B4GALT6: variants seen among roughly 807,000 people sequenced by gnomAD.
B4GALT6 encodes the protein UDP-Gal:beta-GlcNAc beta-1,4-galactosyltransferase 6.
A neutral mutation model predicts 46.3 loss-of-function variants in B4GALT6; 14 were observed. The observed-to-expected ratio is 0.30, with a 90% CI of 0.20 to 0.47. The LOEUF (loss-of-function observed/expected upper bound fraction) is 0.47, where lower values mean the gene tolerates loss of function less well. Ranked by LOEUF, B4GALT6 falls within the 20% of genes least tolerant of loss-of-function variation. B4GALT6 has a pLI of 0.99. For synonymous variants in B4GALT6, 168 were observed against 162.0 expected (o/e 1.04, Z -0.28); for missense variants, 386 against 480.1 (o/e 0.80, Z 1.83).
rs754104181 is a variant in B4GALT6 at position 31,676,420 on chromosome 18, AATAAG to A, written c.115+7887_115+7891del. On this transcript the variant is annotated intron_variant, in intron 1 of 8. Coordinates refer to ENST00000306851, the MANE Select transcript of B4GALT6 (RefSeq NM_004775.5). ...AGTAACCTATAATGCTATCCAGTTTAATAAGTTTTATTGATCTTAAGTAAATTACA... is the reference window on the plus strand; with the variant it reads ...AGTAACCTATAATGCTATCCAGTTTATTTTATTGATCTTAAGTAAATTACA... 2.0e-4 allele frequency among the ~76,000 whole-genome samples: 30 copies of A among 152,322 alleles called. No individual in the cohort carries two copies. In the East Asian group the frequency reaches 5.6e-3, roughly 28 times the overall value.
At position 31,684,341 on chromosome 18, in the gene B4GALT6, A is replaced by T. The variant is rs2074516297; in HGVS notation, c.86T>A (p.Leu29Gln). The change falls in exon 1 of 9, where the codon CTG (leucine) becomes CAG (glutamine). Residue 29 changes from leucine (L) to glutamine (Q), a missense_variant. This residue lies in a region of B4GALT6 where 63 missense variants were observed against 41.3 expected (regional missense o/e 1.53). Coordinates refer to ENST00000306851, the MANE Select transcript of B4GALT6 (RefSeq NM_004775.5). ...IFFFSLSSSC[L>Q]YFIYVAPGIA... ...GCCTGGGGCCACATAGATGAAGTAC[A>T]GACAGGACGAAGAGAGGGAGAAGAA... 1 of 1,613,678 alleles carries T rather than the reference A, an allele frequency of 6.2e-7. No homozygotes were observed. The highest frequency in any genetic ancestry group is 1.7e-5 in the Admixed American group (1 of 59,998).
intron 6 of B4GALT6, among the ~76,000 whole-genome samples, chr18:31,628,134 A>G (rs1288490617): frequency 6.6e-6 from 1 of 152,204 alleles, no homozygotes; most frequent in African/African-American, 2.4e-5. Context: ...CTAGGGTTGT[A>G]GGAGAAAGCA....
chr18:31,679,561 A>C (rs2074455974), intron 1 of B4GALT6, among the ~76,000 whole-genome samples: 2 of 152,222 alleles, frequency 1.3e-5, no homozygotes, highest in African/African-American at 2.4e-5. Flanking sequence ...TCCATGTTTC[A>C]GAGGAAGTCA....
intron 3 of B4GALT6, among the ~76,000 whole-genome samples, chr18:31,657,298 G>A (rs1361200755): frequency 6.6e-6 from 1 of 152,080 alleles, no homozygotes; most frequent in Non-Finnish European, 1.5e-5. Context: ...TAAATGAGAT[G>A]TGATACATTT....
chr18:31,709,930 C>G, the B4GALT6 span, among the ~76,000 whole-genome samples: 1 of 151,714 alleles, frequency 6.6e-6, no homozygotes, highest in Non-Finnish European at 1.5e-5. Flanking sequence ...CCCATCTCTA[C>G]TATAAATACA....
chr18:31,709,882 C>T, the B4GALT6 span, among the ~76,000 whole-genome samples: 1 of 151,914 alleles, frequency 6.6e-6, no homozygotes, highest in East Asian at 1.9e-4. Flanking sequence ...CATCTGAGGT[C>T]AGGAGTTCAA....
At chr18:31,632,639 C>T (rs1342031921) in intron 5 of B4GALT6, among the ~76,000 whole-genome samples, 1 of 152,188 alleles carries the variant, frequency 6.6e-6, no homozygotes, top group Non-Finnish European at 1.5e-5. Context: ...CTGCCCCTAC[C>T]TCTATTCTCC....
At chr18:31,662,131 G>C (rs868787791) in intron 2 of B4GALT6, among the ~76,000 whole-genome samples, 38 of 152,186 alleles carry the variant, frequency 2.5e-4, no homozygotes, top group African/African-American at 8.4e-4. Flanking sequence ...TGAATCACAA[G>C]AGTAAACATT....
chr18:31,673,782 G>A (rs1382891814), intron 1 of B4GALT6, among the ~76,000 whole-genome samples: 1 of 152,172 alleles, frequency 6.6e-6, no homozygotes, highest in East Asian at 1.9e-4. Flanking sequence ...CTGTGAATGT[G>A]ACACTCAGAA....
chr18:31,684,782 T>A (rs968897190), upstream of B4GALT6: 1 of 1,058,452 alleles, frequency 9.4e-7, no homozygotes, highest in East Asian at 7.4e-5. Context: ...GGGCTGCAGG[T>A]GGGAGGAGGC....
chr18:31,655,393 T>C (rs1354066876), intron 3 of B4GALT6, among the ~76,000 whole-genome samples: 1 of 152,198 alleles, frequency 6.6e-6, no homozygotes, highest in East Asian at 1.9e-4. Flanking sequence ...GCCACACTAG[T>C]GTGATCCTCT....
chr18:31,661,042 G>C (rs535650726), intron 2 of B4GALT6, among the ~76,000 whole-genome samples: 3 of 152,112 alleles, frequency 2.0e-5, no homozygotes, highest in Admixed American at 1.3e-4. Context: ...GAAAATCAGC[G>C]ATAGATTAAG....
At position 31,669,982 on chromosome 18, in the gene B4GALT6, G is replaced by A. The variant is rs542179520; in HGVS notation, c.116-3610C>T. The stretch of plus-strand genomic sequence containing the variant: ...GAGATGCTAAGTAGAAGCATTATAT[G>A]CATTATTATGTTTCCTGGAAACAAC... On this transcript the variant is annotated intron_variant, in intron 1 of 8. Transcript: ENST00000306851. Among the ~76,000 whole-genome samples the A allele has an allele frequency of 1.2e-4, 18 of 152,082 alleles. No individual in the cohort carries two copies. In the South Asian group the frequency reaches 3.5e-3, roughly 30 times the overall value.
chr18:31,642,270 T>C (rs551243637), intron 4 of B4GALT6, among the ~76,000 whole-genome samples: 114 of 152,180 alleles, frequency 7.5e-4, no homozygotes, highest in Non-Finnish European at 1.3e-3. Context: ...CTCAAACTCC[T>C]GGGCTCAAGT....
At chr18:31,704,742 GT>G in the B4GALT6 span, among the ~76,000 whole-genome samples, 2 of 152,088 alleles carry the variant, frequency 1.3e-5, no homozygotes, top group African/African-American at 2.4e-5. Context: ...CCATGGAAGA[GT>G]TTTTTTCATA....
At chr18:31,712,284 GTTATTTTTTTTTT>G in the B4GALT6 span, among the ~76,000 whole-genome samples, 3 of 88,292 alleles carry the variant, frequency 3.4e-5, no homozygotes, top group Admixed American at 1.2e-4. Flanking sequence ...CTACTGGGAC[GTTATTTTTTTTTT>G]TTTTTTTTTT....
At chr18:31,701,389 G>A in the B4GALT6 span, among the ~76,000 whole-genome samples, 4 of 152,256 alleles carry the variant, frequency 2.6e-5, no homozygotes, top group African/African-American at 7.2e-5. Flanking sequence ...AACAGAAGCT[G>A]CTATGCTTCT....
At chr18:31,652,338 TCA>T (rs1287207398) in intron 3 of B4GALT6, among the ~76,000 whole-genome samples, 1 of 151,466 alleles carries the variant, frequency 6.6e-6, no homozygotes, top group Non-Finnish European at 1.5e-5. Flanking sequence ...AGTGGCCCTT[TCA>T]CAGTTCCTCA....
chr18:31,652,689 T>C (rs746159697), intron 3 of B4GALT6, among the ~76,000 whole-genome samples: 4 of 152,218 alleles, frequency 2.6e-5, no homozygotes, highest in Non-Finnish European at 5.9e-5. Flanking sequence ...CTTCAGTTCA[T>C]GGTCACCAAG....
Sources: gnomAD v4.1 joint callset for allele counts (sites outside exome capture counted in the v4.1 genomes callset) on GRCh38, gnomAD v4.1.1 for gene constraint, gnomAD v4.1.1 regional missense constraint, MANE v1.5 for transcripts, NCBI Gene and HGNC (gene_info 2026-07-23, HGNC 2026-07-21) for gene names.